CNBD1: variants seen among roughly 807,000 people sequenced by gnomAD.
The protein encoded by CNBD1 is cyclic nucleotide-binding domain-containing protein 1.
CNBD1 carries 71 observed loss-of-function variants against 54.4 expected under a neutral mutation model. The observed-to-expected ratio is 1.30, with a 90% CI of 1.08 to 1.59. CNBD1 has a LOEUF of 1.59. CNBD1 is among the 40% of genes most tolerant of loss of function. The probability of loss-of-function intolerance (pLI) is 0.00; values close to 1 mark genes in which losing one functional copy is unlikely to be tolerated. For synonymous variants in CNBD1, 182 were observed against 170.7 expected (o/e 1.07, Z -0.51); for missense variants, 659 against 518.0 (o/e 1.27, Z -2.64).
At chr8:87,301,582 C>T (rs528100866) in intron 8 of CNBD1, among the ~76,000 whole-genome samples, 69 of 151,912 alleles carry the variant, frequency 4.5e-4, no homozygotes, top group African/African-American at 5.8e-4. Context: ...ATAAACAGAA[C>T]GCAAGTCAAT....
At chr8:87,196,479 C>T (rs1385478081) in intron 4 of CNBD1, among the ~76,000 whole-genome samples, 1 of 152,112 alleles carries the variant, frequency 6.6e-6, no homozygotes, top group Non-Finnish European at 1.5e-5. Flanking sequence ...TTTTCATGGC[C>T]TCACAGATGT....
At chr8:87,376,080 T>C (rs978408150) in intron 10 of CNBD1, among the ~76,000 whole-genome samples, 1 of 151,948 alleles carries the variant, frequency 6.6e-6, no homozygotes, top group Admixed American at 6.6e-5. Flanking sequence ...AGTTCAAAGA[T>C]TCAGCAGCTT....
intron 4 of CNBD1, among the ~76,000 whole-genome samples, chr8:87,033,245 G>A (rs1231823845): frequency 7.2e-5 from 11 of 152,064 alleles, no homozygotes; most frequent in South Asian, 4.1e-4. Flanking sequence ...AGCCTTAAAC[G>A]TCCTGATGAG....
chr8:87,036,333 G>A (rs1049163592), intron 4 of CNBD1, among the ~76,000 whole-genome samples: 2 of 151,824 alleles, frequency 1.3e-5, no homozygotes, highest in Non-Finnish European at 1.5e-5. Context: ...GGTGGCTCAC[G>A]CCTGTAATCC....
intron 1 of CNBD1, among the ~76,000 whole-genome samples, chr8:86,875,888 C>T (rs1272518290): frequency 6.6e-6 from 1 of 151,988 alleles, no homozygotes; most frequent in African/African-American, 2.4e-5. Context: ...ATTGAATTTT[C>T]TTTGATTATT....
intron 4 of CNBD1, among the ~76,000 whole-genome samples, chr8:87,200,018 C>A (rs377529589): frequency 5.3e-5 from 8 of 151,990 alleles, no homozygotes; most frequent in African/African-American, 1.9e-4. Flanking sequence ...ATATGTACAG[C>A]TTTTTGTATG....
intron 4 of CNBD1, among the ~76,000 whole-genome samples, chr8:87,079,811 A>G (rs555990949): frequency 2.0e-5 from 3 of 152,218 alleles, no homozygotes; most frequent in Admixed American, 2.0e-4. Flanking sequence ...AAATAGCGGG[A>G]TACTTTTATT....
intron 5 of CNBD1, among the ~76,000 whole-genome samples, chr8:87,234,801 C>T (rs924987262): frequency 2.0e-5 from 3 of 152,132 alleles, no homozygotes; most frequent in South Asian, 4.1e-4. Flanking sequence ...TGTATGTCAT[C>T]ATCAACCTCT....
At chr8:86,912,802 T>G (rs1262296624) in intron 3 of CNBD1, among the ~76,000 whole-genome samples, 1 of 152,106 alleles carries the variant, frequency 6.6e-6, no homozygotes, top group African/African-American at 2.4e-5. Flanking sequence ...GACAGCTCTG[T>G]GTGTGTTATT....
At chr8:87,389,246 G>A (rs964834817) in intron 2 of CNBD1, among the ~76,000 whole-genome samples, 1 of 152,110 alleles carries the variant, frequency 6.6e-6, no homozygotes, top group African/African-American at 2.4e-5. Flanking sequence ...GGAAGTTCTG[G>A]CCAGGGCAAT....
chr8:87,115,458 A>G (rs1476912028), intron 4 of CNBD1, among the ~76,000 whole-genome samples: 1 of 152,208 alleles, frequency 6.6e-6, no homozygotes, highest in African/African-American at 2.4e-5. Context: ...AATTACATAA[A>G]TAAGAATGAA....
At chr8:87,179,906 C>G (rs1164118205) in intron 4 of CNBD1, among the ~76,000 whole-genome samples, 1 of 152,114 alleles carries the variant, frequency 6.6e-6, no homozygotes, top group East Asian at 1.9e-4. Context: ...TACTAACAAA[C>G]AGGATGTCAC....
At chr8:86,919,740 G>C (rs1809241845) in intron 3 of CNBD1, among the ~76,000 whole-genome samples, 4 of 152,140 alleles carry the variant, frequency 2.6e-5, no homozygotes, top group Admixed American at 2.6e-4. Flanking sequence ...TTTAGAGGTA[G>C]AATTACTAGG....
intron 8 of CNBD1, among the ~76,000 whole-genome samples, chr8:87,292,217 A>C (rs1158582562): frequency 1.3e-5 from 2 of 152,210 alleles, no homozygotes; most frequent in Non-Finnish European, 2.9e-5. Context: ...GCAATAAATC[A>C]ACCATTAATA....
chr8:87,203,882 A>T (rs762112211), intron 4 of CNBD1, among the ~76,000 whole-genome samples: 10 of 152,216 alleles, frequency 6.6e-5, no homozygotes, highest in African/African-American at 2.4e-4. Flanking sequence ...AAATGGAAAC[A>T]CATTACAGTC....
chr8:87,200,458 G>T (rs1256764612), intron 4 of CNBD1, among the ~76,000 whole-genome samples: 1 of 151,888 alleles, frequency 6.6e-6, no homozygotes, highest in Non-Finnish European at 1.5e-5. Context: ...AATAAAAAAT[G>T]AATAAGAAAA....
chr8:87,173,554 T>C lies in CNBD1; in HGVS notation c.432-32439T>C, dbSNP rs1185828466. 2.0e-5 allele frequency among the ~76,000 whole-genome samples: 3 copies of C among 152,192 alleles called. No homozygotes were observed. The East Asian group carries it at 5.8e-4, about 29-fold the overall frequency. On this transcript the variant is annotated intron_variant, in intron 4 of 10. Coordinates refer to ENST00000518476, the MANE Select transcript of CNBD1 (RefSeq NM_173538.3). ...GTTTGAAGGATATTTTCACTGAATA[T>C]ACTATTCTAGGGTAAAAAGTTTTTT... is the stretch of plus-strand genomic sequence containing the variant.
chr8:87,408,813 T>A (rs1807693434), intron 2 of CNBD1, among the ~76,000 whole-genome samples: 1 of 152,096 alleles, frequency 6.6e-6, no homozygotes, highest in East Asian at 1.9e-4. Context: ...GGATTAGTGA[T>A]CTTTGATGTT....
At chr8:87,004,897 A>C (rs939401814) in intron 4 of CNBD1, among the ~76,000 whole-genome samples, 1 of 152,174 alleles carries the variant, frequency 6.6e-6, no homozygotes, top group African/African-American at 2.4e-5. Context: ...TTAAAATACC[A>C]CTGAAGTTAA....
Sources: allele counts gnomAD v4.1 joint callset (sites outside exome capture counted in the v4.1 genomes callset), GRCh38; gene constraint gnomAD v4.1.1; transcripts MANE v1.5; gene names NCBI Gene and HGNC (gene_info 2026-07-23, HGNC 2026-07-21).